Variants in DYNC2LI1 observed in about 807,000 individuals in gnomAD.
DYNC2LI1 encodes the protein dynein cytoplasmic 2 light intermediate chain 1.
Under a neutral mutation model 51.9 loss-of-function variants are expected in DYNC2LI1, and 45 were observed. The ratio of observed to expected loss-of-function variants is 0.87; its 90% CI spans 0.68 to 1.11. The LOEUF (loss-of-function observed/expected upper bound fraction) is 1.11, where lower values mean the gene tolerates loss of function less well. Among genes scored for constraint, DYNC2LI1 ranks in the 50% most tolerant of loss-of-function variants. The pLI is 0.00. For missense variants in DYNC2LI1, 490 were observed against 417.4 expected, an observed-to-expected ratio of 1.17 and a Z score of -1.51; for synonymous variants, 130 against 137.8, an observed-to-expected ratio of 0.94 and a Z score of 0.40.
chr2:43,780,663 C>A (rs955349693), intron 2 of DYNC2LI1, among the ~76,000 whole-genome samples: 4 of 151,992 alleles, frequency 2.6e-5, no homozygotes, highest in African/African-American at 7.3e-5. Context: ...GGGAGTTTGC[C>A]AGTCATGGAG....
intron 10 of DYNC2LI1, among the ~76,000 whole-genome samples, chr2:43,803,982 T>G (rs895550853): frequency 1.3e-5 from 2 of 152,212 alleles, no homozygotes; most frequent in African/African-American, 4.8e-5. Context: ...CTTTCCAATT[T>G]CCTATGCCTT....
the DYNC2LI1 span, among the ~76,000 whole-genome samples, chr2:43,816,555 T>C: frequency 6.6e-6 from 1 of 152,172 alleles, no homozygotes; most frequent in Non-Finnish European, 1.5e-5. Context: ...TTGTCTTTTT[T>C]ATTTTTTGAA....
chr2:43,826,312 C>A, the DYNC2LI1 span: 1 of 1,609,008 alleles, frequency 6.2e-7, no homozygotes, highest in Non-Finnish European at 8.5e-7. Flanking sequence ...TGGTACAAAT[C>A]TTGCCCCTGC....
In DYNC2LI1 at chr2:43,809,757, T is replaced by C; in HGVS notation, c.1046T>C (p.Leu349Pro). The C allele has an allele frequency of 1.9e-6, 3 of 1,611,818 alleles. No individual in the cohort carries two copies. The highest frequency in any genetic ancestry group is 2.5e-6 in the Non-Finnish European group (3 of 1,178,934). Residue 349 changes from leucine to proline, a missense_variant, in exon 13 of 13, where the codon CTT becomes CCT. Leu to Pro is a moderately conservative substitution (Grantham distance 98, BLOSUM62 -3). Coordinates refer to ENST00000260605, the MANE Select transcript of DYNC2LI1 (RefSeq NM_016008.4). ...TCCAAGTCTTGGAAACAAATCGAGCTTGATTCTTGAACCTATTTCAATTAT... is the reference window on the plus strand; with the variant it reads ...TCCAAGTCTTGGAAACAAATCGAGCCTGATTCTTGAACCTATTTCAATTAT... ...SSSKSWKQIE[L>P]DS is the part of the protein sequence containing the mutation.
At chr2:43,776,613 A>T (rs1172844270) in intron 1 of DYNC2LI1, among the ~76,000 whole-genome samples, 169 bp from the exon 2 acceptor site, 2 of 152,244 alleles carry the variant, frequency 1.3e-5, no homozygotes, top group African/African-American at 4.8e-5. Context: ...AAAGAAAAAT[A>T]AAATCATAGA....
intron 8 of DYNC2LI1, among the ~76,000 whole-genome samples, chr2:43,797,667 G>A (rs1172465552): frequency 2.6e-5 from 4 of 151,554 alleles, no homozygotes; most frequent in African/African-American, 4.9e-5. Flanking sequence ...CTACAGGCAC[G>A]TGCCACCACA....
At chr2:43,806,424 T>A (rs565140662) in intron 12 of DYNC2LI1, among the ~76,000 whole-genome samples, 1 of 152,152 alleles carries the variant, frequency 6.6e-6, no homozygotes, top group East Asian at 1.9e-4. Context: ...GTTGGAGAAG[T>A]AAGCAAAACA....
the DYNC2LI1 span, chr2:43,824,028 G>A: frequency 7.4e-6 from 12 of 1,614,082 alleles, no homozygotes; most frequent in African/African-American, 6.7e-5. Flanking sequence ...CCCGCAGAAC[G>A]AAGAAAAGGA....
intron 7 of DYNC2LI1, among the ~76,000 whole-genome samples, chr2:43,796,192 G>A (rs983946751): frequency 3.9e-5 from 6 of 152,170 alleles, no homozygotes; most frequent in African/African-American, 1.4e-4. Flanking sequence ...ATCTTGCCGG[G>A]CACAGTGGCT....
chr2:43,800,550 A>G (rs1666039725), intron 8 of DYNC2LI1, among the ~76,000 whole-genome samples: 1 of 152,188 alleles, frequency 6.6e-6, no homozygotes, highest in Non-Finnish European at 1.5e-5. Context: ...TATATATTTT[A>G]AAGAAATTAT....
At chr2:43,817,563 G>T in the DYNC2LI1 span, among the ~76,000 whole-genome samples, 2 of 152,018 alleles carry the variant, frequency 1.3e-5, no homozygotes, top group African/African-American at 4.8e-5. Context: ...TGCTTCTTAT[G>T]ATGGGGTTAC....
At chr2:43,824,868 G>C in the DYNC2LI1 span, 1 of 1,613,112 alleles carries the variant, frequency 6.2e-7, no homozygotes, top group Non-Finnish European at 8.5e-7. Context: ...TCATGATGGG[G>C]AATGTGAAAG....
intron 1 of DYNC2LI1, among the ~76,000 whole-genome samples, chr2:43,776,497 G>A (rs1372019185): frequency 6.6e-6 from 1 of 152,158 alleles, no homozygotes; most frequent in Non-Finnish European, 1.5e-5. Context: ...GACATACACA[G>A]CTATGAACCG....
the DYNC2LI1 span, chr2:43,822,767 C>T: frequency 4.8e-5 from 77 of 1,613,802 alleles, no homozygotes; most frequent in Admixed American, 1.7e-4. Context: ...CATGGGAGCC[C>T]GGCCCTGGGT....
the DYNC2LI1 span, among the ~76,000 whole-genome samples, chr2:43,822,030 T>C: frequency 6.6e-6 from 1 of 152,290 alleles, no homozygotes; most frequent in Non-Finnish European, 1.5e-5. Context: ...TCATCTACTC[T>C]CAATCTGATG....
chr2:43,827,760 C>G, the DYNC2LI1 span, among the ~76,000 whole-genome samples: 3 of 152,222 alleles, frequency 2.0e-5, no homozygotes, highest in Non-Finnish European at 4.4e-5. Context: ...CAATGCAACG[C>G]TTCCGGGTCC....
At position 43,798,935 on chromosome 2, in the gene DYNC2LI1, A is replaced by G. The variant is rs1447664451; in HGVS notation, c.655-1906A>G. Among the ~76,000 whole-genome samples the G allele has an allele frequency of 1.1e-4, 16 of 151,762 alleles. 1 individual carries two copies. In the East Asian group the frequency reaches 3.1e-3, roughly 29 times the overall value. On this transcript the variant is annotated intron_variant, in intron 8 of 12. Coordinates refer to ENST00000260605, the MANE Select transcript of DYNC2LI1 (RefSeq NM_016008.4). ...TAGCAGGGTTTTTTTTTTTTCCAAC[A>G]CTATAGTTGATCCTATATAGTGCAG...
the DYNC2LI1 span, chr2:43,825,106 G>A: frequency 3.9e-6 from 6 of 1,520,542 alleles, no homozygotes; most frequent in Non-Finnish European, 4.5e-6. Flanking sequence ...GCAGGGCCAA[G>A]GTCAGGTATT....
At chr2:43,784,420 T>C (rs1191829107) in intron 3 of DYNC2LI1, among the ~76,000 whole-genome samples, 1 of 152,164 alleles carries the variant, frequency 6.6e-6, no homozygotes, top group East Asian at 1.9e-4. Flanking sequence ...TACATTGAGT[T>C]GAAAAGTATT....
Sources: allele counts gnomAD v4.1 joint callset (sites outside exome capture counted in the v4.1 genomes callset), GRCh38; gene constraint gnomAD v4.1.1; transcripts MANE v1.5; gene names NCBI Gene and HGNC (gene_info 2026-07-23, HGNC 2026-07-21).